Variants in ZFHX3 observed in about 807,000 individuals in gnomAD.
ZFHX3 encodes zinc finger homeobox 3, also known as zinc finger homeobox protein 3.
A neutral mutation model predicts 279.1 loss-of-function variants in ZFHX3; 42 were observed. The observed-to-expected ratio is 0.15, with a 90% CI of 0.12 to 0.19. The LOEUF is 0.19. Among genes scored for constraint, ZFHX3 ranks in the 10% least tolerant of loss-of-function variants. The pLI, the probability that ZFHX3 is intolerant of heterozygous loss-of-function variation, is 1.00. For missense variants in ZFHX3, 4,981 were observed against 4,754.0 expected (o/e 1.05, Z -1.40); for synonymous variants, 2,293 against 1,957.8 (o/e 1.17, Z -4.52).
At chr16:73,483,922 C>G (rs940072307) in intron 2 of ZFHX3, among the ~76,000 whole-genome samples, 9 of 133,024 alleles carry the variant, frequency 6.8e-5, no homozygotes, top group Non-Finnish European at 1.2e-4. Context: ...TCCCCACCCT[C>G]TGCCTTTGTT....
At chr16:73,175,489 C>T (rs75918803) in intron 5 of ZFHX3, among the ~76,000 whole-genome samples, 2,637 of 152,264 alleles carry the variant, frequency 0.017, 87 homozygotes, top group African/African-American at 0.061. Flanking sequence ...CCACACTAGC[C>T]TCATTTTCAT....
chr16:73,480,060 A>T (rs979136535), intron 2 of ZFHX3, among the ~76,000 whole-genome samples: 9 of 152,052 alleles, frequency 5.9e-5, no homozygotes, highest in Non-Finnish European at 1.2e-4. Flanking sequence ...TCCTCAGTTC[A>T]TTCTCTCAAT....
At chr16:73,084,043 A>G (rs1428097401) in intron 8 of ZFHX3, among the ~76,000 whole-genome samples, 2 of 152,198 alleles carry the variant, frequency 1.3e-5, no homozygotes, top group African/African-American at 4.8e-5. Context: ...ACATCTCATG[A>G]GTAGAGGCCA....
At chr16:73,719,630 T>C (rs545579059) in intron 1 of ZFHX3, among the ~76,000 whole-genome samples, 1 of 152,274 alleles carries the variant, frequency 6.6e-6, no homozygotes, top group East Asian at 1.9e-4. Flanking sequence ...CATTATTTCA[T>C]TTATTTATTT....
In ZFHX3 at chr16:73,878,944, T is replaced by G. The variant is rs572606192; in HGVS notation, c.-1608+12707A>C. The stretch of plus-strand genomic sequence containing the variant: ...TTCACTGTTCAAAAAAGATAAGATA[T>G]ATATATATATATATATATATAGTTG... On this transcript the variant is annotated intron_variant, in intron 1 of 17. Transcript: ENST00000641206. Among the ~76,000 whole-genome samples, 243 of 67,392 alleles carry G rather than the reference T, an allele frequency of 3.6e-3. 3 individuals carry two copies. The highest frequency in any genetic ancestry group is 0.014 in the African/African-American group (217 of 16,002). The allele number at this position is 67,392 out of a possible 152,430, so 44.2% of individuals were successfully genotyped here. A position where few individuals can be genotyped will look rare whatever the true frequency, so the allele number is the denominator to read the frequency against.
intron 4 of ZFHX3, among the ~76,000 whole-genome samples, chr16:72,872,106 A>AG: frequency 6.6e-6 from 1 of 151,412 alleles, no homozygotes; most frequent in South Asian, 2.1e-4. Context: ...ACAAAAAACA[A>AG]AAAAAAAATT....
At chr16:73,075,926 G>T (rs947216168) in intron 8 of ZFHX3, among the ~76,000 whole-genome samples, 3 of 152,084 alleles carry the variant, frequency 2.0e-5, no homozygotes, top group African/African-American at 7.2e-5. Flanking sequence ...CACCGCACCC[G>T]GCCAGCTTTT....
At chr16:73,769,006 C>T (rs1460881510) in intron 1 of ZFHX3, among the ~76,000 whole-genome samples, 1 of 152,022 alleles carries the variant, frequency 6.6e-6, no homozygotes, top group Admixed American at 6.6e-5. Context: ...TACAAATATG[C>T]CCCATGCCAT....
intron 5 of ZFHX3, among the ~76,000 whole-genome samples, chr16:73,251,267 G>A (rs1324598194): frequency 6.6e-6 from 1 of 152,172 alleles, no homozygotes. Context: ...ACTGTGTACA[G>A]TCCCCAAGTT....
chr16:72,841,346 C>A (rs1057191363), intron 4 of ZFHX3, among the ~76,000 whole-genome samples: 2 of 152,308 alleles, frequency 1.3e-5, no homozygotes, highest in Admixed American at 6.5e-5. Context: ...AGCTGAGGTA[C>A]AGAGAAAATC....
chr16:73,234,898 A>G (rs2012894189), intron 5 of ZFHX3, among the ~76,000 whole-genome samples: 1 of 152,172 alleles, frequency 6.6e-6, no homozygotes, highest in African/African-American at 2.4e-5. Flanking sequence ...CAAAGATAGT[A>G]CTTGCTTTTA....
chr16:73,464,337 C>A (rs981597779), intron 2 of ZFHX3, among the ~76,000 whole-genome samples: 10 of 151,896 alleles, frequency 6.6e-5, no homozygotes, highest in African/African-American at 2.2e-4. Flanking sequence ...AATTACAGTC[C>A]GGCTCTTCTG....
At chr16:73,506,423 C>G (rs913932493) in intron 2 of ZFHX3, among the ~76,000 whole-genome samples, 3 of 152,158 alleles carry the variant, frequency 2.0e-5, no homozygotes, top group Non-Finnish European at 4.4e-5. Flanking sequence ...GAAATACAGT[C>G]TTGGCTTCCA....
chr16:73,583,231 A>T (rs1342796510), intron 2 of ZFHX3, among the ~76,000 whole-genome samples: 1 of 152,202 alleles, frequency 6.6e-6, no homozygotes, highest in Non-Finnish European at 1.5e-5. Flanking sequence ...ATGAGCCTAT[A>T]ATATCTATTC....
At chr16:73,188,459 G>A (rs939786057) in intron 5 of ZFHX3, among the ~76,000 whole-genome samples, 4 of 152,216 alleles carry the variant, frequency 2.6e-5, no homozygotes, top group Non-Finnish European at 5.9e-5. Flanking sequence ...GTCCTCTCGA[G>A]CTGATGAGCT....
intron 4 of ZFHX3, among the ~76,000 whole-genome samples, chr16:72,881,121 A>T (rs1436418891): frequency 1.3e-5 from 2 of 152,214 alleles, no homozygotes; most frequent in African/African-American, 4.8e-5. Flanking sequence ...AGTGAGGAGG[A>T]GCTGAGCATG....
At chr16:73,387,509 GT>G (rs1293187770) in intron 3 of ZFHX3, among the ~76,000 whole-genome samples, 2 of 151,682 alleles carry the variant, frequency 1.3e-5, no homozygotes, top group African/African-American at 4.8e-5. Flanking sequence ...GGGTTTTTTT[GT>G]TTTTTTGTTT....
At chr16:73,684,398 G>C (rs561662564) in intron 1 of ZFHX3, among the ~76,000 whole-genome samples, 1 of 151,828 alleles carries the variant, frequency 6.6e-6, no homozygotes, top group Non-Finnish European at 1.5e-5. Context: ...TTAGACTATA[G>C]GAAATAAAGG....
At chr16:73,491,047 C>G (rs1321325451) in intron 2 of ZFHX3, among the ~76,000 whole-genome samples, 1 of 152,130 alleles carries the variant, frequency 6.6e-6, no homozygotes, top group Non-Finnish European at 1.5e-5. Context: ...AAAATGTCAT[C>G]GAAATATTCT....
Sources: allele counts gnomAD v4.1 joint callset (sites outside exome capture counted in the v4.1 genomes callset), GRCh38; gene constraint gnomAD v4.1.1; transcripts MANE v1.5; gene names NCBI Gene and HGNC (gene_info 2026-07-23, HGNC 2026-07-21).